The following INPP4B variants were observed in gnomAD, a reference collection of about 807,000 sequenced individuals.
INPP4B encodes the protein inositol polyphosphate 4-phosphatase type II.
In INPP4B, 55 loss-of-function variants were observed where a neutral mutation model predicts 122.5. The ratio of observed to expected loss-of-function variants is 0.45; its 90% confidence interval spans 0.36 to 0.56. The LOEUF is 0.56. Ranked by LOEUF, INPP4B falls within the 20% of genes least tolerant of loss-of-function variation. INPP4B has a pLI of 0.00. For synonymous variants in INPP4B, 403 were observed against 388.7 expected, an observed-to-expected ratio of 1.04 and a Z score of -0.43; for missense variants, 1,000 against 1,097.7, an observed-to-expected ratio of 0.91 and a Z score of 1.26.
chr4:142,656,308 C>T (rs1754127346), intron 2 of INPP4B, among the ~76,000 whole-genome samples: 4 of 152,118 alleles, frequency 2.6e-5, no homozygotes. Context: ...ATAAGAATCC[C>T]GTCTGTAGCA....
At chr4:142,739,930 GA>G (rs1438915487) in intron 1 of INPP4B, among the ~76,000 whole-genome samples, 2 of 151,916 alleles carry the variant, frequency 1.3e-5, no homozygotes. Flanking sequence ...GAGACATGAA[GA>G]ACAATTTTCC....
At chr4:142,572,025 A>G (rs934196437) in intron 2 of INPP4B, among the ~76,000 whole-genome samples, 4 of 152,108 alleles carry the variant, frequency 2.6e-5, no homozygotes, top group Admixed American at 1.3e-4. Flanking sequence ...TCAGTTGCAT[A>G]TTGCTGCTCC....
intron 1 of INPP4B, among the ~76,000 whole-genome samples, chr4:142,818,652 G>C (rs1780429544): frequency 6.6e-6 from 1 of 152,020 alleles, no homozygotes. Flanking sequence ...ATCACCTCCT[G>C]CCCCGATCCG....
rs2152242731 is a variant in INPP4B at position 142,025,167 on chromosome 4, C to G, written c.*3615G>C. On this transcript the variant is annotated 3_prime_UTR_variant, in exon 26 of 26. Transcript: ENST00000262992. Reference sequence around the variant, plus strand: ...AGGAATTAAAATTGCTAGTTTGTAGCATTTGCCAGCCAGTTTCTATGGTGT... The same window carrying G: ...AGGAATTAAAATTGCTAGTTTGTAGGATTTGCCAGCCAGTTTCTATGGTGT... 8.4e-6 allele frequency: 1 copy of G among 118,540 alleles called. No individual in the cohort carries two copies. The highest frequency in any genetic ancestry group is 3.0e-4 in the South Asian group (1 of 3,356). 7.3% of individuals were successfully genotyped at this position (118,540 alleles called of 1,614,324 possible).
intron 23 of INPP4B, among the ~76,000 whole-genome samples, chr4:142,100,009 A>G (rs1409432485): frequency 6.6e-6 from 1 of 152,096 alleles, no homozygotes; most frequent in African/African-American, 2.4e-5. Context: ...AAAACACACA[A>G]TCTTGGCCCC....
At chr4:142,275,289 C>T (rs1435199433) in intron 9 of INPP4B, among the ~76,000 whole-genome samples, 4 of 151,746 alleles carry the variant, frequency 2.6e-5, no homozygotes, top group African/African-American at 7.3e-5. Context: ...TATTAAACAG[C>T]AAAATGTAAA....
intron 18 of INPP4B, among the ~76,000 whole-genome samples, chr4:142,138,258 T>C (rs1253999419): frequency 1.3e-5 from 2 of 150,996 alleles, no homozygotes; most frequent in South Asian, 2.1e-4. Flanking sequence ...AAACTGGAAA[T>C]CATCATTCTC....
rs1415510721 is a variant in INPP4B, at chr4:142,448,327, T to TC, written c.-127+14335dup. Among the ~76,000 whole-genome samples the TC allele has an allele frequency of 2.0e-4, 10 of 50,134 alleles. No individual in the cohort carries two copies. The East Asian group carries it at 5.6e-3, about 28-fold the overall frequency. 32.9% of individuals were successfully genotyped at this position (50,134 alleles called of 152,430 possible). A position where few individuals can be genotyped will look rare whatever the true frequency, so the allele number is the denominator to read the frequency against. On this transcript the variant is annotated intron_variant, in intron 3 of 25. Coordinates refer to ENST00000262992, the MANE Select transcript of INPP4B (RefSeq NM_001101669.3). ...AATCAATTATTATTTCCTATCCATC[T>TC]CCAAAAAAAAAAAAAAAAAAAAAAA...
At chr4:142,111,919 T>C (rs1237713933) in intron 22 of INPP4B, among the ~76,000 whole-genome samples, 1 of 151,450 alleles carries the variant, frequency 6.6e-6, no homozygotes, top group Non-Finnish European at 1.5e-5. Flanking sequence ...AATTTTTGTA[T>C]TTTTAGTAGA....
chr4:142,129,109 C>G (rs1457726562), intron 18 of INPP4B, among the ~76,000 whole-genome samples: 3 of 152,184 alleles, frequency 2.0e-5, no homozygotes, highest in Non-Finnish European at 4.4e-5. Flanking sequence ...AATGAGCCAG[C>G]TCTTAGGATT....
chr4:142,524,187 T>TG (rs1423228169), intron 2 of INPP4B, among the ~76,000 whole-genome samples: 3 of 152,116 alleles, frequency 2.0e-5, no homozygotes, highest in Non-Finnish European at 4.4e-5. Context: ...ATGGGATGGC[T>TG]GGGTCAAATG....
intron 25 of INPP4B, among the ~76,000 whole-genome samples, chr4:142,056,436 T>G (rs1757743359): frequency 6.6e-6 from 1 of 152,122 alleles, no homozygotes. Flanking sequence ...AATGCTAAAC[T>G]TTCAGGGAAA....
chr4:142,218,758 G>A (rs1380602359), intron 12 of INPP4B, among the ~76,000 whole-genome samples: 4 of 152,150 alleles, frequency 2.6e-5, no homozygotes, highest in South Asian at 2.1e-4. Context: ...CAGCCAAGAT[G>A]CTTTCATTCA....
intron 2 of INPP4B, among the ~76,000 whole-genome samples, chr4:142,562,243 A>G (rs1730629354): frequency 6.6e-6 from 1 of 152,178 alleles, no homozygotes; most frequent in South Asian, 2.1e-4. Context: ...TGAAGCTTTG[A>G]AAGGTTTTCT....
intron 2 of INPP4B, among the ~76,000 whole-genome samples, chr4:142,613,697 A>G (rs1743064542): frequency 6.6e-6 from 1 of 152,244 alleles, no homozygotes; most frequent in East Asian, 1.9e-4. Flanking sequence ...AAGCTATACA[A>G]TAACAAATGG....
At chr4:142,483,540 T>C (rs1820842459) in intron 2 of INPP4B, among the ~76,000 whole-genome samples, 1 of 152,020 alleles carries the variant, frequency 6.6e-6, no homozygotes, top group African/African-American at 2.4e-5. Flanking sequence ...AAACTTGAAA[T>C]TGTGTGCTTT....
At chr4:142,752,605 C>G (rs182117029) in intron 1 of INPP4B, among the ~76,000 whole-genome samples, 1 of 152,140 alleles carries the variant, frequency 6.6e-6, no homozygotes, top group East Asian at 1.9e-4. Flanking sequence ...CTTAATGAGT[C>G]CTTCTTTTGT....
intron 2 of INPP4B, among the ~76,000 whole-genome samples, chr4:142,578,933 G>A (rs1225386857): frequency 6.6e-6 from 1 of 151,926 alleles, no homozygotes; most frequent in Non-Finnish European, 1.5e-5. Context: ...TAAGTTCCCA[G>A]GGAATCTGTT....
chr4:142,069,548 G>T (rs1383608146), intron 25 of INPP4B, among the ~76,000 whole-genome samples: 1 of 152,186 alleles, frequency 6.6e-6, no homozygotes, highest in East Asian at 1.9e-4. Context: ...TCCAGGAGCT[G>T]GTTTTTTGAA....
Sources: allele counts gnomAD v4.1 joint callset (sites outside exome capture counted in the v4.1 genomes callset), GRCh38; gene constraint gnomAD v4.1.1; transcripts MANE v1.5; gene names NCBI Gene and HGNC (gene_info 2026-07-23, HGNC 2026-07-21).